Variants in DCAF1 observed in about 807,000 individuals in gnomAD.
The protein encoded by DCAF1 is DDB1 and CUL4 associated factor 1.
A neutral mutation model predicts 128.0 loss-of-function variants in DCAF1; 15 were observed. The ratio of observed to expected loss-of-function variants is 0.12; its 90% confidence interval spans 0.08 to 0.18. DCAF1 has a LOEUF of 0.18. Ranked by LOEUF, DCAF1 falls within the 10% of genes least tolerant of loss-of-function variation. DCAF1 has a pLI of 1.00. For missense variants in DCAF1, 988 were observed against 1,649.5 expected (o/e 0.60, Z 6.95); for synonymous variants, 610 against 603.0 (o/e 1.01, Z -0.17).
intron 23 of DCAF1, among the ~76,000 whole-genome samples, chr3:51,406,595 C>CT (rs2090130865): frequency 6.6e-6 from 1 of 152,112 alleles, no homozygotes; most frequent in Admixed American, 6.6e-5. Context: ...CCAAAGCCCC[C>CT]AAACCCTGCA....
chr3:51,436,657 A>C (rs1485200167), intron 9 of DCAF1, among the ~76,000 whole-genome samples: 1 of 152,194 alleles, frequency 6.6e-6, no homozygotes, highest in Non-Finnish European at 1.5e-5. Flanking sequence ...TATTTTAATA[A>C]CTTCAGTATA....
chr3:51,405,600 T>A (rs2090047844), intron 23 of DCAF1, among the ~76,000 whole-genome samples: 1 of 152,252 alleles, frequency 6.6e-6, no homozygotes, highest in Non-Finnish European at 1.5e-5. Flanking sequence ...TGCCCAATGC[T>A]GATTTCTCAC....
intron 3 of DCAF1, among the ~76,000 whole-genome samples, chr3:51,481,483 G>C (rs1706192948): frequency 6.6e-6 from 1 of 152,066 alleles, no homozygotes; most frequent in Non-Finnish European, 1.5e-5. Flanking sequence ...CCTGAGGTCA[G>C]GAGTTCAAGA....
chr3:51,403,417 C>T, intron 23 of DCAF1, 22 bp from the exon 24 acceptor site: 1 of 1,551,322 alleles, frequency 6.4e-7, no homozygotes, highest in African/African-American at 1.4e-5. Flanking sequence ...GCGTAATGTT[C>T]ATTAGTACAA....
At chr3:51,395,986 G>A (rs2089175865), downstream of DCAF1, 2 of 413,250 alleles carry the variant, frequency 4.8e-6, no homozygotes, top group Middle Eastern at 6.2e-4. Context: ...CCATTCCAGG[G>A]TAGCTGGTAC....
At chr3:51,484,574 T>A (rs1179296093) in intron 2 of DCAF1, among the ~76,000 whole-genome samples, 9 of 152,162 alleles carry the variant, frequency 5.9e-5, no homozygotes, top group African/African-American at 9.7e-5. Context: ...TACATTTTTT[T>A]AAGCACAAAA....
chr3:51,502,191 C>T (rs576419751), upstream of DCAF1, among the ~76,000 whole-genome samples: 2 of 152,268 alleles, frequency 1.3e-5, no homozygotes, highest in Admixed American at 1.3e-4. Context: ...AGGCTTAGCT[C>T]ACGCGCTCCT....
At chr3:51,487,298 T>C (rs1707089310) in intron 2 of DCAF1, among the ~76,000 whole-genome samples, 1 of 152,178 alleles carries the variant, frequency 6.6e-6, no homozygotes, top group Admixed American at 6.6e-5. Flanking sequence ...GGAGTAATTT[T>C]AGATTTACAG....
At position 51,483,639 on chromosome 3, in the gene DCAF1, G is replaced by A. The variant is rs1304347100; in HGVS notation, c.110+80C>T. Reference sequence around the variant, plus strand: ...TGTGTGTGTGTGTGTGTGTGTGTGTGTGTGTGTATGAAGAAATCTAGCGTA... The same window carrying A: ...TGTGTGTGTGTGTGTGTGTGTGTGTATGTGTGTATGAAGAAATCTAGCGTA... On this transcript the variant is annotated intron_variant, in intron 3 of 24. Transcript: ENST00000684031. 6.8e-6 allele frequency: 6 copies of A among 888,298 alleles called. No homozygotes were observed. In the African/African-American group the frequency reaches 9.9e-5, roughly 15 times the overall value. 55.0% of individuals were successfully genotyped at this position (888,298 alleles called of 1,614,324 possible). A position where few individuals can be genotyped will look rare whatever the true frequency, so the allele number is the denominator to read the frequency against.
rs1442928752 is a variant in DCAF1 at position 51,418,835 on chromosome 3, T to C, written c.3278A>G (p.Glu1093Gly). The change falls in exon 16 of 25, where the codon GAG becomes GGG. Residue 1093 changes from glutamate (E) to glycine (G), a missense_variant. By Grantham distance (98) the Glu-to-Gly change is moderately conservative. Coordinates refer to ENST00000684031, the MANE Select transcript of DCAF1 (RefSeq NM_001387579.1). ...ISVFREANED[E>G]SGFTCCAFSA... ...GAATGCACAGCAGGTGAAGCCACTC[T>C]CATCTTCATTGGCTTCCCGGAACAC... 6.2e-7 allele frequency: 1 copy of C among 1,613,696 alleles called. No homozygotes were observed. Among genetic ancestry groups the C allele is most frequent in the Non-Finnish European group, 8.5e-7 (1 of 1,179,818 alleles).
At chr3:51,496,646 G>A (rs1245018335) in intron 2 of DCAF1, among the ~76,000 whole-genome samples, 88 bp downstream of exon 2, 2 of 151,864 alleles carry the variant, frequency 1.3e-5, no homozygotes, top group Non-Finnish European at 2.9e-5. Flanking sequence ...CACACATGAG[G>A]AAACTAGCTC....
At chr3:51,490,382 G>C (rs1222184632) in intron 2 of DCAF1, among the ~76,000 whole-genome samples, 1 of 152,112 alleles carries the variant, frequency 6.6e-6, no homozygotes, top group Admixed American at 6.6e-5. Context: ...AGTGAACCAA[G>C]ATCGCACCAC....
intron 23 of DCAF1, among the ~76,000 whole-genome samples, chr3:51,409,769 G>A (rs1411412041): frequency 1.3e-5 from 2 of 152,156 alleles, no homozygotes; most frequent in Non-Finnish European, 2.9e-5. Flanking sequence ...GGAGTGAGGT[G>A]TCTAAGGTAG....
chr3:51,417,842 CA>C (rs1699035038), intron 17 of DCAF1, among the ~76,000 whole-genome samples: 1 of 151,282 alleles, frequency 6.6e-6, no homozygotes, highest in African/African-American at 2.4e-5. Context: ...GGAGACACAG[CA>C]AAGACTGCAA....
intron 1 of DCAF1, among the ~76,000 whole-genome samples, chr3:51,498,438 C>T (rs1379456043): frequency 6.6e-6 from 1 of 151,050 alleles, no homozygotes; most frequent in Non-Finnish European, 1.5e-5. Flanking sequence ...AGGGCAAGAT[C>T]CTGTATCTAA....
intron 6 of DCAF1, among the ~76,000 whole-genome samples, chr3:51,457,209 A>C (rs1248256777): frequency 6.6e-6 from 1 of 152,234 alleles, no homozygotes; most frequent in Non-Finnish European, 1.5e-5. Flanking sequence ...AATGCAGAGA[A>C]GTCCTTAAAG....
intron 3 of DCAF1, among the ~76,000 whole-genome samples, chr3:51,482,622 G>A (rs1009978001): frequency 2.1e-5 from 3 of 144,992 alleles, no homozygotes; most frequent in African/African-American, 2.6e-5. Flanking sequence ...AAAATTAGCC[G>A]GGTGTGGTGG....
intron 6 of DCAF1, 42 bp downstream of exon 6, chr3:51,463,071 TC>T: frequency 7.4e-7 from 1 of 1,357,060 alleles, no homozygotes; most frequent in Non-Finnish European, 1.0e-6. Context: ...ACATCATAAT[TC>T]AATTACAAAA....
At chr3:51,406,743 C>G (rs1553626768) in intron 23 of DCAF1, among the ~76,000 whole-genome samples, 1 of 152,218 alleles carries the variant, frequency 6.6e-6, no homozygotes, top group East Asian at 1.9e-4. Flanking sequence ...CACTCCTGCT[C>G]TGGATCTCAA....
Sources: gnomAD v4.1 joint callset for allele counts (sites outside exome capture counted in the v4.1 genomes callset) on GRCh38, gnomAD v4.1.1 for gene constraint, MANE v1.5 for transcripts, NCBI Gene and HGNC (gene_info 2026-07-23, HGNC 2026-07-21) for gene names.